Variants in CFAP54 observed in about 807,000 individuals in gnomAD.
The protein encoded by CFAP54 is cilia- and flagella-associated protein 54.
A neutral mutation model predicts 370.4 loss-of-function variants in CFAP54; 290 were observed. The ratio of observed to expected loss-of-function variants is 0.78; its 90% CI spans 0.71 to 0.86. The LOEUF is 0.86. Ranked by LOEUF, CFAP54 falls within the 40% of genes least tolerant of loss-of-function variation. The probability of loss-of-function intolerance (pLI) is 0.00; values close to 1 mark genes in which losing one functional copy is unlikely to be tolerated. For synonymous variants in CFAP54, 1,206 were observed against 1,236.5 expected (o/e 0.98, Z 0.52); for missense variants, 3,399 against 3,528.7 (o/e 0.96, Z 0.93).
chr12:96,593,013 A>G (rs895234369), intron 24 of CFAP54, among the ~76,000 whole-genome samples: 2 of 152,158 alleles, frequency 1.3e-5, no homozygotes, highest in African/African-American at 4.8e-5. Context: ...ATTATTATTT[A>G]TGAAAATGGG....
chr12:96,521,835 A>C, intron 6 of CFAP54, 22 bp from the exon 7 acceptor site: 2 of 1,451,532 alleles, frequency 1.4e-6, no homozygotes, highest in Non-Finnish European at 1.9e-6. Context: ...TTATGAATTA[A>C]ATTTATTTTA....
intron 26 of CFAP54, among the ~76,000 whole-genome samples, chr12:96,601,967 T>C (rs190845237): frequency 3.0e-4 from 45 of 152,332 alleles, no homozygotes; most frequent in Admixed American, 1.4e-3. Flanking sequence ...TCAGTTCTAC[T>C]CTGATCTTAG....
At chr12:96,516,634 C>G (rs1490852673) in intron 5 of CFAP54, among the ~76,000 whole-genome samples, 1 of 152,278 alleles carries the variant, frequency 6.6e-6, no homozygotes, top group East Asian at 1.9e-4. Context: ...AATAATTTAG[C>G]TTCTTTGGTG....
At chr12:96,613,950 A>G (rs1029994705) in intron 26 of CFAP54, among the ~76,000 whole-genome samples, 9 of 152,208 alleles carry the variant, frequency 5.9e-5, no homozygotes, top group African/African-American at 2.2e-4. Flanking sequence ...AGGAGCGGGT[A>G]CCATTCCTTC....
intron 26 of CFAP54, among the ~76,000 whole-genome samples, chr12:96,608,339 GCA>G (rs1565912504): frequency 6.8e-6 from 1 of 147,182 alleles, no homozygotes; most frequent in African/African-American, 2.5e-5. Context: ...ACACACATAC[GCA>G]CACACATACA....
intron 50 of CFAP54, among the ~76,000 whole-genome samples, chr12:96,732,760 G>A (rs1394395400): frequency 1.3e-5 from 2 of 152,080 alleles, no homozygotes; most frequent in Non-Finnish European, 2.9e-5. Context: ...AGGACACATG[G>A]TAGTTGATGG....
In CFAP54 at chr12:96,708,621, TAAG is replaced by T; in HGVS notation, c.6545_6547del (p.Arg2182del). The stretch of plus-strand genomic sequence containing the variant: ...TCCATTTTTTAGGCAATTGATGAAT[TAAG>T]AAATAAAGGCTTGCCTGCAGTTCTG... On this transcript the variant is annotated inframe_deletion, in exon 48 of 68. Coordinates refer to ENST00000524981, the MANE Select transcript of CFAP54 (RefSeq NM_001306084.2). 6.3e-7 allele frequency: 1 copy of T among 1,589,760 alleles called. No homozygotes were observed.
At chr12:96,711,825 T>G (rs11108647) in intron 48 of CFAP54, among the ~76,000 whole-genome samples, 13,059 of 152,248 alleles carry the variant, frequency 0.086, 802 homozygotes, top group South Asian at 0.28. Flanking sequence ...GTTTTTGAGA[T>G]TTATCTGTAT....
intron 55 of CFAP54, among the ~76,000 whole-genome samples, chr12:96,749,601 C>T (rs546244223): frequency 6.6e-6 from 1 of 152,184 alleles, no homozygotes; most frequent in South Asian, 2.1e-4. Flanking sequence ...TTTATAATTT[C>T]CATTTATTTT....
intron 46 of CFAP54, among the ~76,000 whole-genome samples, chr12:96,704,464 ATATATATATATATATATATATATATAT>A (rs1957525809): frequency 1.2e-5 from 1 of 81,278 alleles, no homozygotes; most frequent in Non-Finnish European, 2.2e-5. Flanking sequence ...ATATATATAT[ATATATATATATATATATATATATATAT>A]ATATATATAT....
At chr12:96,625,934 T>C in intron 29 of CFAP54, 127 bp downstream of exon 29, 1 of 701,442 alleles carries the variant, frequency 1.4e-6, no homozygotes, top group Non-Finnish European at 2.3e-6. Context: ...TTTGAATTCT[T>C]ACCCACTCAG....
chr12:96,554,657 C>A lies in CFAP54; in HGVS notation c.2284-19C>A, dbSNP rs780618779. 5 of 1,506,176 alleles carry A rather than the reference C, an allele frequency of 3.3e-6. 1 individual carries two copies. In the South Asian group the frequency reaches 6.3e-5, roughly 19 times the overall value. The allele number at this position is 1,506,176 out of a possible 1,614,324, so 93.3% of individuals were successfully genotyped here. A position where few individuals can be genotyped will look rare whatever the true frequency, so the allele number is the denominator to read the frequency against. ...TTGATAACTATATTTCTTTTTATTT[C>A]AACTCTGTTGGACCAAAGCGTACCC... On this transcript the variant is annotated intron_variant, in intron 16 of 67. Coordinates refer to ENST00000524981, the MANE Select transcript of CFAP54 (RefSeq NM_001306084.2).
intron 26 of CFAP54, among the ~76,000 whole-genome samples, chr12:96,610,148 C>T (rs1334348895): frequency 6.6e-6 from 1 of 152,140 alleles, no homozygotes; most frequent in East Asian, 1.9e-4. Context: ...GGAATGGCCC[C>T]TAAGTCTACA....
At chr12:96,780,118 C>CT (rs1958566665) in intron 60 of CFAP54, among the ~76,000 whole-genome samples, 1 of 151,960 alleles carries the variant, frequency 6.6e-6, no homozygotes, top group South Asian at 2.1e-4. Context: ...TTGCAAATAT[C>CT]TTTTCCCATT....
chr12:96,800,666 T>C (rs1245057772), intron 63 of CFAP54, among the ~76,000 whole-genome samples: 1 of 152,212 alleles, frequency 6.6e-6, no homozygotes, highest in Non-Finnish European at 1.5e-5. Context: ...CTCATCGTTT[T>C]AGGATTTTAG....
chr12:96,798,448 T>TC lies in CFAP54; in HGVS notation c.8850+5949_8850+5950insC, dbSNP rs200425289. 9.5e-3 allele frequency among the ~76,000 whole-genome samples: 1,446 copies of TC among 152,320 alleles called. 53 individuals carry two copies. The East Asian group carries it at 0.1, about 11-fold the overall frequency. On this transcript the variant is annotated intron_variant, in intron 63 of 67. Coordinates refer to ENST00000524981, the MANE Select transcript of CFAP54 (RefSeq NM_001306084.2). ...AAACCTCATCTACTCATTTCCATTTTTGCTGTTGAGAGTTAAGCCGTTGCT... is the reference window on the plus strand; with the variant it reads ...AAACCTCATCTACTCATTTCCATTTTCTGCTGTTGAGAGTTAAGCCGTTGCT...
intron 51 of CFAP54, among the ~76,000 whole-genome samples, chr12:96,741,677 G>A (rs958254224): frequency 6.6e-6 from 1 of 152,130 alleles, no homozygotes; most frequent in Admixed American, 6.6e-5. Flanking sequence ...TAGTGTCTAC[G>A]ATGGACTCCA....
intron 19 of CFAP54, chr12:96,572,995 A>T (rs575278999): frequency 1.0e-6 from 1 of 985,442 alleles, no homozygotes; most frequent in South Asian, 4.7e-5. Flanking sequence ...CTACCAAGGC[A>T]AATTTTGAGA....
At chr12:96,809,343 A>AT (rs1054604326) in intron 63 of CFAP54, among the ~76,000 whole-genome samples, 11 of 151,594 alleles carry the variant, frequency 7.3e-5, no homozygotes, top group Admixed American at 2.0e-4. Context: ...TACTTTTCTC[A>AT]TTTTTTTCCC....
Sources: allele counts gnomAD v4.1 joint callset (sites outside exome capture counted in the v4.1 genomes callset), GRCh38; gene constraint gnomAD v4.1.1; transcripts MANE v1.5; gene names NCBI Gene and HGNC (gene_info 2026-07-23, HGNC 2026-07-21).